OR52N2: variants seen among roughly 807,000 people sequenced by gnomAD.
OR52N2 encodes the protein olfactory receptor 52N2.
For synonymous variants in OR52N2, 129 were observed against 72.0 expected (o/e 1.79, Z -4.01); for missense variants, 326 against 196.6 (o/e 1.66, Z -3.94).
chr11:5,815,521 T>C (rs80336118), intron 1 of OR52N2, among the ~76,000 whole-genome samples: 5,737 of 152,028 alleles, frequency 0.038, 337 homozygotes, highest in African/African-American at 0.13. Context: ...AAAACTACAA[T>C]AAAAAACCAC....
chr11:5,811,652 G>C (rs896946872), intron 1 of OR52N2, among the ~76,000 whole-genome samples: 1 of 152,060 alleles, frequency 6.6e-6, no homozygotes, highest in South Asian at 2.1e-4. Flanking sequence ...AAGAGAAAAA[G>C]AAGGGAAGAA....
intron 1 of OR52N2, among the ~76,000 whole-genome samples, chr11:5,812,277 G>C (rs1428616328): frequency 2.0e-5 from 3 of 151,068 alleles, no homozygotes; most frequent in African/African-American, 7.3e-5. Context: ...GGCGGATCAC[G>C]AGGTCAGGAG....
rs1181384023 is a variant in OR52N2 at position 5,810,325 on chromosome 11, A to G, written c.-55+1271A>G. On this transcript the variant is annotated intron_variant, in intron 1 of 1. Coordinates refer to ENST00000317037, the MANE Select transcript of OR52N2 (RefSeq NM_001005174.3). ...AGCCTCATTTTCCCAGATGTATATC[A>G]TAAAATTGTTGACATTCTCTGTCAA... is the stretch of plus-strand genomic sequence containing the variant. 3.3e-5 allele frequency among the ~76,000 whole-genome samples: 5 copies of G among 152,228 alleles called. No homozygotes were observed. In the East Asian group the frequency reaches 9.6e-4, roughly 29 times the overall value.
chr11:5,815,449 C>G lies in OR52N2; in HGVS notation c.-54-4833C>G, dbSNP rs995505229. Among the ~76,000 whole-genome samples, 6 of 152,056 alleles carry G rather than the reference C, an allele frequency of 3.9e-5. No homozygotes were observed. The South Asian group carries it at 1.2e-3, about 32-fold the overall frequency. On this transcript the variant is annotated intron_variant, in intron 1 of 1. Transcript: ENST00000317037. Reference sequence around the variant, plus strand: ...TAGACATTTCTCCAAAGAAGATATACAAATGGATAATAAACACATAAAAGA... The same window carrying G: ...TAGACATTTCTCCAAAGAAGATATAGAAATGGATAATAAACACATAAAAGA...
intron 1 of OR52N2, among the ~76,000 whole-genome samples, chr11:5,817,323 A>C (rs73394352): frequency 0.062 from 9,433 of 152,180 alleles, 340 homozygotes; most frequent in African/African-American, 0.09. Flanking sequence ...CAAAATATAC[A>C]ATTACTTTCC....
chr11:5,811,703 G>GT (rs1846362243), intron 1 of OR52N2, among the ~76,000 whole-genome samples: 1 of 152,138 alleles, frequency 6.6e-6, no homozygotes, highest in South Asian at 2.1e-4. Flanking sequence ...AATGGCTGTA[G>GT]TAAGTCCTTA....
At chr11:5,815,354 T>A (rs1356180030) in intron 1 of OR52N2, among the ~76,000 whole-genome samples, 5 of 151,982 alleles carry the variant, frequency 3.3e-5, no homozygotes, top group Non-Finnish European at 7.4e-5. Context: ...ATATCCAAAA[T>A]ATATATAGAG....
chr11:5,820,862 TC>T lies in OR52N2; in HGVS notation c.532del (p.His178ThrfsTer25). On this transcript the variant is annotated frameshift_variant, in exon 2 of 2. Transcript: ENST00000317037. LOFTEE classifies it low-confidence loss of function (END_TRUNC). ...KRLPYCRGNF[I>X]PHTYCDHMSV... ...CTGCCCTATTGCCGGGGGAACTTCA[TC>T]CCCCACACCTACTGTGACCATATGT... 1 of 780,906 alleles carries T rather than the reference TC, an allele frequency of 1.3e-6. No individual in the cohort carries two copies. Among genetic ancestry groups the T allele is most frequent in the South Asian group, 1.3e-5 (1 of 74,594 alleles). 48.4% of individuals were successfully genotyped at this position (780,906 alleles called of 1,614,324 possible). A position where few individuals can be genotyped will look rare whatever the true frequency, so the allele number is the denominator to read the frequency against.
intron 1 of OR52N2, among the ~76,000 whole-genome samples, chr11:5,819,388 T>A (rs1400990215): frequency 6.6e-6 from 1 of 152,136 alleles, no homozygotes; most frequent in Non-Finnish European, 1.5e-5. Context: ...AATACTAAAT[T>A]AAAGCAGTAC....
chr11:5,810,491 T>A (rs113778376), intron 1 of OR52N2, among the ~76,000 whole-genome samples: 168 of 144,268 alleles, frequency 1.2e-3, no homozygotes, highest in African/African-American at 4.1e-3. Context: ...AAAAGTCAAA[T>A]GAAGCAAAAA....
At chr11:5,813,108 A>G (rs75879707) in intron 1 of OR52N2, among the ~76,000 whole-genome samples, 8,347 of 151,966 alleles carry the variant, frequency 0.055, 268 homozygotes, top group African/African-American at 0.066. Flanking sequence ...ACCTACATCA[A>G]AAAAATAATA....
At chr11:5,811,673 AAAC>A (rs1364953518) in intron 1 of OR52N2, among the ~76,000 whole-genome samples, 2 of 152,178 alleles carry the variant, frequency 1.3e-5, no homozygotes, top group African/African-American at 4.8e-5. Context: ...AGAATGTAAA[AAAC>A]AACAAGAAAA....
intron 1 of OR52N2, among the ~76,000 whole-genome samples, chr11:5,814,534 A>G (rs1354258092): frequency 2.6e-5 from 4 of 152,102 alleles, no homozygotes; most frequent in Non-Finnish European, 5.9e-5. Flanking sequence ...CAAGAAACTT[A>G]TATAATTAAA....
intron 1 of OR52N2, among the ~76,000 whole-genome samples, chr11:5,809,421 G>A (rs552973767): frequency 4.0e-4 from 61 of 152,234 alleles, no homozygotes; most frequent in African/African-American, 1.4e-3. Flanking sequence ...AGGGGAACAC[G>A]GGGTACAGTG....
intron 1 of OR52N2, among the ~76,000 whole-genome samples, chr11:5,819,226 A>T (rs1184106026): frequency 6.6e-6 from 1 of 152,202 alleles, no homozygotes; most frequent in Non-Finnish European, 1.5e-5. Context: ...AAAAAATTGA[A>T]TAATTAGGAC....
At chr11:5,815,835 A>G (rs953118039) in intron 1 of OR52N2, among the ~76,000 whole-genome samples, 1 of 152,072 alleles carries the variant, frequency 6.6e-6, no homozygotes, top group Non-Finnish European at 1.5e-5. Flanking sequence ...CTAATTGCCC[A>G]TCAATGGATG....
intron 1 of OR52N2, among the ~76,000 whole-genome samples, chr11:5,810,418 TCAAAAATCC>T (rs1846351596): frequency 6.6e-6 from 1 of 152,076 alleles, no homozygotes; most frequent in Non-Finnish European, 1.5e-5. Flanking sequence ...TAAGAGGCCC[TCAAAAATCC>T]CAAAACATTT....
In OR52N2 at chr11:5,821,434, A is replaced by C; in HGVS notation, c.*133A>C. On this transcript the variant is annotated 3_prime_UTR_variant, in exon 2 of 2. Coordinates refer to ENST00000317037, the MANE Select transcript of OR52N2 (RefSeq NM_001005174.3). ...TGTAACAAACTTGCACGTGTACCTAAAATAAAAATAGAAATAAAAAATCAA... is the reference window on the plus strand; with the variant it reads ...TGTAACAAACTTGCACGTGTACCTACAATAAAAATAGAAATAAAAAATCAA... The C allele has an allele frequency of 1.8e-6, 1 of 569,298 alleles. No homozygotes were observed. The highest frequency in any genetic ancestry group is 2.5e-5 in the South Asian group (1 of 40,376). 35.3% of individuals were successfully genotyped at this position (569,298 alleles called of 1,614,324 possible). A position where few individuals can be genotyped will look rare whatever the true frequency, so the allele number is the denominator to read the frequency against.
intron 1 of OR52N2, 63 bp from the exon 2 acceptor site, chr11:5,820,219 G>A: frequency 1.5e-6 from 1 of 673,554 alleles, no homozygotes; most frequent in Admixed American, 2.3e-5. Flanking sequence ...TGGCACTTGA[G>A]GTTCACTTTG....
Sources: allele counts gnomAD v4.1 joint callset (sites outside exome capture counted in the v4.1 genomes callset), GRCh38; gene constraint gnomAD v4.1.1; transcripts MANE v1.5; gene names NCBI Gene and HGNC (gene_info 2026-07-23, HGNC 2026-07-21).